JARID2: variants seen among roughly 807,000 people sequenced by gnomAD.
JARID2 encodes the protein protein Jumonji.
Under a neutral mutation model 125.6 loss-of-function variants are expected in JARID2, and 21 were observed. The ratio of observed to expected loss-of-function variants is 0.17; its 90% CI spans 0.12 to 0.24. The LOEUF (loss-of-function observed/expected upper bound fraction) is 0.24. Ranked by LOEUF, JARID2 falls within the 10% of genes least tolerant of loss-of-function variation. JARID2 has a pLI of 1.00. For missense variants in JARID2, 1,303 were observed against 1,639.6 expected (o/e 0.79, Z 3.55); for synonymous variants, 736 against 661.6 (o/e 1.11, Z -1.73).
At chr6:15,421,826 G>A (rs1766502576) in intron 3 of JARID2, among the ~76,000 whole-genome samples, 1 of 152,186 alleles carries the variant, frequency 6.6e-6, no homozygotes, top group African/African-American at 2.4e-5. Context: ...TTGGCTTGGT[G>A]AGCTGTACTG....
At chr6:15,394,940 T>C (rs1581499423) in intron 2 of JARID2, among the ~76,000 whole-genome samples, 1 of 1,764 alleles carries the variant, frequency 5.7e-4, no homozygotes. Flanking sequence ...GAATAATTCC[T>C]TTTTTTTTTT....
intron 1 of JARID2, among the ~76,000 whole-genome samples, chr6:15,293,003 A>G (rs930764671): frequency 5.9e-5 from 9 of 152,234 alleles, no homozygotes; most frequent in African/African-American, 1.7e-4. Flanking sequence ...TTTGAACTAA[A>G]GGCAGGACAC....
chr6:15,473,514 G>GGGGGGCCCC, intron 5 of JARID2, among the ~76,000 whole-genome samples: 1 of 35,068 alleles, frequency 2.9e-5, no homozygotes, highest in East Asian at 6.7e-4. Flanking sequence ...TGATGTGCGT[G>GGGGGGCCCC]CCCCCCCCCC....
intron 5 of JARID2, among the ~76,000 whole-genome samples, chr6:15,469,276 GTC>G (rs1189197322): frequency 2.0e-4 from 19 of 92,988 alleles, no homozygotes; most frequent in Non-Finnish European, 2.3e-4. Context: ...CTGTCTCTCT[GTC>G]TCTCTGTCTC....
chr6:15,251,573 C>A (rs540711570), intron 1 of JARID2, among the ~76,000 whole-genome samples: 1 of 152,200 alleles, frequency 6.6e-6, no homozygotes, highest in East Asian at 1.9e-4. Flanking sequence ...GTACCTCTGT[C>A]CCCTTTGGCT....
intron 2 of JARID2, among the ~76,000 whole-genome samples, chr6:15,387,213 C>T (rs917790872): frequency 6.6e-6 from 1 of 152,170 alleles, no homozygotes; most frequent in African/African-American, 2.4e-5. Flanking sequence ...ATCTCCTTGT[C>T]GCCCTTGAGG....
At chr6:15,510,644 G>A (rs1028267692) in intron 12 of JARID2, among the ~76,000 whole-genome samples, 70 of 152,184 alleles carry the variant, frequency 4.6e-4, no homozygotes, top group African/African-American at 1.6e-3. Context: ...GCCTGATGCC[G>A]GGTAGGCTGG....
intron 3 of JARID2, among the ~76,000 whole-genome samples, chr6:15,449,255 T>TA (rs1561869782): frequency 1.3e-5 from 2 of 152,140 alleles, no homozygotes; most frequent in Non-Finnish European, 2.9e-5. Context: ...CCTTATTTTT[T>TA]AAAAAATAAC....
chr6:15,385,044 G>A (rs927150976), intron 2 of JARID2, among the ~76,000 whole-genome samples: 6 of 152,290 alleles, frequency 3.9e-5, no homozygotes, highest in Non-Finnish European at 7.3e-5. Flanking sequence ...CTTTAAAAAT[G>A]CAAATGAGGC....
chr6:15,338,540 C>T (rs571988191), intron 1 of JARID2, among the ~76,000 whole-genome samples: 1 of 152,218 alleles, frequency 6.6e-6, no homozygotes, highest in African/African-American at 2.4e-5. Flanking sequence ...CCTTGCAAGG[C>T]AATCCAGACC....
chr6:15,250,968 C>A (rs138685340), intron 1 of JARID2, among the ~76,000 whole-genome samples: 3 of 150,638 alleles, frequency 2.0e-5, no homozygotes, highest in African/African-American at 7.3e-5. Context: ...ATATTAAAAG[C>A]GTAGTTCGTT....
intron 7 of JARID2, among the ~76,000 whole-genome samples, chr6:15,497,522 G>A (rs952733280): frequency 2.6e-5 from 4 of 151,946 alleles, no homozygotes; most frequent in African/African-American, 9.7e-5. Context: ...TGGTGGCGGG[G>A]GCCTGTAGTC....
At chr6:15,456,010 G>C (rs1257043840) in intron 4 of JARID2, among the ~76,000 whole-genome samples, 1 of 152,186 alleles carries the variant, frequency 6.6e-6, no homozygotes, top group African/African-American at 2.4e-5. Context: ...TGTTGATTAT[G>C]GAATTTAGTT....
chr6:15,368,797 A>G (rs571210063), intron 1 of JARID2: 3 of 458,276 alleles, frequency 6.5e-6, no homozygotes, highest in East Asian at 6.7e-5. Flanking sequence ...TGTTTGAAGC[A>G]TTCGTCTTGG....
At position 15,486,806 on chromosome 6, in the gene JARID2, C is replaced by CTTTTTTTTTTTTTTT. The variant is rs56268949; in HGVS notation, c.671-497_671-483dup. On this transcript the variant is annotated intron_variant, in intron 5 of 17. Transcript: ENST00000341776. ...CATCTCTTTTAAATCTGAGAATAGA[C>CTTTTTTTTTTTTTTT]TTTTTTTTTTTTTTTTTTGAGACAG... Among the ~76,000 whole-genome samples, 160 of 100,510 alleles carry CTTTTTTTTTTTTTTT rather than the reference C, an allele frequency of 1.6e-3. 23 individuals are homozygous for CTTTTTTTTTTTTTTT. The highest frequency in any genetic ancestry group is 6.2e-3 in the African/African-American group (130 of 20,910). The allele number at this position is 100,510 out of a possible 152,430, so 65.9% of individuals were successfully genotyped here. A position where few individuals can be genotyped will look rare whatever the true frequency, so the allele number is the denominator to read the frequency against.
chr6:15,286,267 T>TC (rs1238211343), intron 1 of JARID2, among the ~76,000 whole-genome samples: 1 of 151,836 alleles, frequency 6.6e-6, no homozygotes, highest in African/African-American at 2.4e-5. Flanking sequence ...TTTTTTTTTT[T>TC]TTTGAGATGA....
intron 3 of JARID2, among the ~76,000 whole-genome samples, chr6:15,424,088 C>A (rs547185922): frequency 4.2e-4 from 64 of 152,064 alleles, no homozygotes; most frequent in African/African-American, 1.5e-3. Context: ...TTCTGGGAGG[C>A]ACACAGACGT....
At chr6:15,374,014 A>G in intron 1 of JARID2, 103 bp from the exon 2 acceptor site, 2 of 1,333,306 alleles carry the variant, frequency 1.5e-6, no homozygotes, top group East Asian at 2.3e-5. Flanking sequence ...TCGTGGTCAC[A>G]CAGTACGTGT....
Position 15,484,491 on chromosome 6 carries a change from AATCTGATTGTGCAGTAACCTGAG to A in JARID2, c.671-2813_671-2791del, listed in dbSNP as rs551620832. On this transcript the variant is annotated intron_variant, in intron 5 of 17. Transcript: ENST00000341776. Reference sequence around the variant, plus strand: ...ATGAGGCAAAAAGAGATTTGCCCACAATCTGATTGTGCAGTAACCTGAGATGGCCCTTTTAAACATGCAGTGAT... The same window carrying A: ...ATGAGGCAAAAAGAGATTTGCCCACAATGGCCCTTTTAAACATGCAGTGAT... Among the ~76,000 whole-genome samples the A allele has an allele frequency of 4.7e-3, 718 of 152,312 alleles. 4 individuals carry two copies. The highest frequency in any genetic ancestry group is 0.016 in the African/African-American group (681 of 41,558).
Sources: allele counts gnomAD v4.1 joint callset (sites outside exome capture counted in the v4.1 genomes callset), GRCh38; gene constraint gnomAD v4.1.1; transcripts MANE v1.5; gene names NCBI Gene and HGNC (gene_info 2026-07-23, HGNC 2026-07-21).